Variants in F3 observed in about 807,000 individuals in gnomAD.
F3 encodes tissue factor.
F3 carries 18 observed loss-of-function variants against 33.5 expected under a neutral mutation model. That is an observed-to-expected ratio of 0.54 (90% CI 0.37 to 0.80). F3 has a LOEUF of 0.80. Ranked by LOEUF, F3 falls within the 30% of genes least tolerant of loss-of-function variation. The pLI, the probability that F3 is intolerant of heterozygous loss-of-function variation, is 0.00. For missense variants in F3, 353 were observed against 362.1 expected (o/e 0.97, Z 0.20); for synonymous variants, 147 against 140.7 (o/e 1.05, Z -0.32).
intron 2 of F3, 51 bp downstream of exon 2, chr1:94,540,206 G>A (rs1167374972): frequency 2.7e-6 from 3 of 1,103,734 alleles, no homozygotes; most frequent in South Asian, 2.5e-5. Context: ...TTCAGCATAG[G>A]ACAGTAGAAA....
Position 94,530,336 on chromosome 1 carries a change from T to A in F3, c.*124A>T. 1 of 1,252,814 alleles carries A rather than the reference T, an allele frequency of 8.0e-7. No individual in the cohort carries two copies. The highest frequency in any genetic ancestry group is 1.1e-6 in the Non-Finnish European group (1 of 902,158). 77.6% of individuals were successfully genotyped at this position (1,252,814 alleles called of 1,614,324 possible). On this transcript the variant is annotated 3_prime_UTR_variant, in exon 6 of 6. Transcript: ENST00000334047. Reference sequence around the variant, plus strand: ...TGGTAATAACAGGTCATATCAAGAGTTTTTTGAACTCCAGGGTCTTCATGC... The same window carrying A: ...TGGTAATAACAGGTCATATCAAGAGATTTTTGAACTCCAGGGTCTTCATGC...
At chr1:94,539,162 T>C (rs185183117) in intron 2 of F3, among the ~76,000 whole-genome samples, 36 of 152,300 alleles carry the variant, frequency 2.4e-4, no homozygotes, top group Admixed American at 3.9e-4. Flanking sequence ...TAATTCTCAA[T>C]TGGTGAAATC....
intron 2 of F3, among the ~76,000 whole-genome samples, chr1:94,537,360 G>A (rs949625863): frequency 2.6e-5 from 4 of 152,100 alleles, no homozygotes; most frequent in South Asian, 2.1e-4. Context: ...CAGACCCATC[G>A]TTCAAGGCCA....
rs1651382439 is a variant in F3, at chr1:94,530,373, C to T, written c.*87G>A. The T allele has an allele frequency of 3.9e-6, 6 of 1,542,404 alleles. No individual in the cohort carries two copies. The highest frequency in any genetic ancestry group is 1.2e-5 in the South Asian group (1 of 84,486). On this transcript the variant is annotated 3_prime_UTR_variant, in exon 6 of 6. Transcript: ENST00000334047. ...CAGGGTCTTCATGCTCCGAAATACT[C>T]ATTTGCGTTTCCATGTATTCTATCC...
chr1:94,538,934 T>G (rs1651690814), intron 2 of F3, among the ~76,000 whole-genome samples: 2 of 152,148 alleles, frequency 1.3e-5, no homozygotes, highest in Admixed American at 1.3e-4. Context: ...CTGTGCTCAT[T>G]TAAATAACAG....
At position 94,532,423 on chromosome 1, in the gene F3, A is replaced by G. The variant is rs1237567579; in HGVS notation, c.649T>C (p.Tyr217His). The stretch of plus-strand genomic sequence containing the variant: ...ATCACTGCTTGAACACTGAAACAGT[A>G]GTTTTCTCCTTTATCCACATCAATC... ...FLIDVDKGEN[Y>H]CFSVQAVIPS... is the part of the protein sequence containing the mutation. Residue 217 changes from tyrosine to histidine, a missense_variant, in exon 5 of 6, where the codon TAC becomes CAC. Coordinates refer to ENST00000334047, the MANE Select transcript of F3 (RefSeq NM_001993.5). The G allele has an allele frequency of 6.2e-7, 1 of 1,614,068 alleles. No homozygotes were observed. Among genetic ancestry groups the G allele is most frequent in the African/African-American group, 1.3e-5 (1 of 74,940 alleles).
chr1:94,538,544 C>T (rs1651679076), intron 2 of F3, among the ~76,000 whole-genome samples: 1 of 152,210 alleles, frequency 6.6e-6, no homozygotes, highest in Non-Finnish European at 1.5e-5. Context: ...CAAGACTTTC[C>T]TTCTTCCTCC....
intron 5 of F3, 60 bp downstream of exon 5, chr1:94,532,261 C>A: frequency 1.3e-6 from 2 of 1,545,188 alleles, no homozygotes; most frequent in South Asian, 2.4e-5. Flanking sequence ...TGGAGCTACT[C>A]CTCCAGAAGT....
At chr1:94,532,296 G>A in intron 5 of F3, 25 bp downstream of exon 5, 1 of 1,611,690 alleles carries the variant, frequency 6.2e-7, no homozygotes, top group South Asian at 1.1e-5. Context: ...ATACCCCCAG[G>A]CAAATGGCTG....
At chr1:94,533,677 T>G (rs1230493789) in intron 3 of F3, among the ~76,000 whole-genome samples, 1 of 152,076 alleles carries the variant, frequency 6.6e-6, no homozygotes, top group Non-Finnish European at 1.5e-5. Flanking sequence ...ACTTCCTCCA[T>G]CTTTTCTCCT....
chr1:94,538,862 C>T (rs2101093910), intron 2 of F3, among the ~76,000 whole-genome samples: 1 of 152,332 alleles, frequency 6.6e-6, no homozygotes, highest in South Asian at 2.1e-4. Context: ...CATAGGACCA[C>T]CCTGAGTCGG....
Position 94,536,150 on chromosome 1 carries a change from T to A in F3, c.227A>T (p.Asp76Val). The A allele has an allele frequency of 1.2e-6, 2 of 1,613,980 alleles. No homozygotes were observed. Among genetic ancestry groups the A allele is most frequent in the Non-Finnish European group, 1.7e-6 (2 of 1,179,986 alleles). ...YTVQISTKSG[D>V]WKSKCFYTTD... ...TGTGTAAAAGCATTTGCTTTTCCAATCTCCTGACTTAGTGCTAAAGAAAGA... is the reference window on the plus strand; with the variant it reads ...TGTGTAAAAGCATTTGCTTTTCCAAACTCCTGACTTAGTGCTAAAGAAAGA... The change falls in exon 3 of 6, where the codon GAT becomes GTT. Residue 76 changes from aspartate to valine, a missense_variant. Asp to Val is a radical substitution (Grantham distance 152). Transcript: ENST00000334047.
In F3 at chr1:94,541,596, G is replaced by C; in HGVS notation, c.41C>G (p.Thr14Ser). 1 of 1,466,960 alleles carries C rather than the reference G, an allele frequency of 6.8e-7. No homozygotes were observed. Among genetic ancestry groups the C allele is most frequent in the Non-Finnish European group, 9.0e-7 (1 of 1,108,268 alleles). The allele number at this position is 1,466,960 out of a possible 1,614,324, so 90.9% of individuals were successfully genotyped here. ...GAGCAGGAGCGTCCGAGCGACGGCG[G>C]TCTCGGGGCGCGGGACCCGGGGCCA... is the stretch of plus-strand genomic sequence containing the variant. The part of the protein sequence containing the change: ...PAWPRVPRPE[T>S]AVARTLLLGW... Residue 14 changes from threonine to serine, a missense_variant, in exon 1 of 6, where the codon ACC becomes AGC. By Grantham distance (58) the Thr-to-Ser change is moderately conservative. Transcript: ENST00000334047.
chr1:94,530,766 G>A (rs555454616), intron 5 of F3, among the ~76,000 whole-genome samples, 170 bp from the exon 6 acceptor site: 8 of 152,234 alleles, frequency 5.3e-5, no homozygotes, highest in South Asian at 2.1e-4. Flanking sequence ...AAACCTGAAC[G>A]TTTCAGAGTA....
At chr1:94,535,507 C>T (rs1557701779) in intron 3 of F3, among the ~76,000 whole-genome samples, 1 of 152,062 alleles carries the variant, frequency 6.6e-6, no homozygotes, top group Non-Finnish European at 1.5e-5. Flanking sequence ...ATTATGGGCT[C>T]AGAGGGAAAC....
chr1:94,533,848 TTTC>T (rs996327602), intron 3 of F3, among the ~76,000 whole-genome samples: 281 of 151,696 alleles, frequency 1.9e-3, no homozygotes, highest in African/African-American at 6.5e-3. Context: ...TTTCTTTTCT[TTTC>T]TTTTCTTTTT....
Position 94,535,777 on chromosome 1 carries a change from C to T in F3, c.412+188G>A, listed in dbSNP as rs184919315. ...AGTTACTTGATGACACTGTCATCAG[C>T]TCCAAAGTTCACATTCTGTGAACCT... is the stretch of plus-strand genomic sequence containing the variant. On this transcript the variant is annotated intron_variant, in intron 3 of 5. Coordinates refer to ENST00000334047, the MANE Select transcript of F3 (RefSeq NM_001993.5). Among the ~76,000 whole-genome samples the T allele has an allele frequency of 3.9e-5, 6 of 152,198 alleles. No individual in the cohort carries two copies. The East Asian group carries it at 1.2e-3, about 29-fold the overall frequency.
chr1:94,538,981 G>A (rs1297117584), intron 2 of F3, among the ~76,000 whole-genome samples: 1 of 152,048 alleles, frequency 6.6e-6, no homozygotes, highest in Admixed American at 6.5e-5. Context: ...AGTTAACAAA[G>A]GCTTATGTTT....
At chr1:94,537,054 C>T (rs1651628845) in intron 2 of F3, among the ~76,000 whole-genome samples, 1 of 152,174 alleles carries the variant, frequency 6.6e-6, no homozygotes, top group African/African-American at 2.4e-5. Context: ...CATTATACTA[C>T]ATGCCTCCCT....
Sources: gnomAD v4.1 joint callset for allele counts (sites outside exome capture counted in the v4.1 genomes callset) on GRCh38, gnomAD v4.1.1 for gene constraint, MANE v1.5 for transcripts, NCBI Gene and HGNC (gene_info 2026-07-23, HGNC 2026-07-21) for gene names.